CEP250: variants seen among roughly 807,000 people sequenced by gnomAD.
CEP250 encodes centrosome-associated protein CEP250.
Under a neutral mutation model 315.7 loss-of-function variants are expected in CEP250, and 242 were observed. That is an observed-to-expected ratio of 0.77 (90% CI 0.69 to 0.85). CEP250 has a LOEUF of 0.85. CEP250 is among the 40% of genes least tolerant of loss of function. The probability of loss-of-function intolerance (pLI) is 0.00; values close to 1 mark genes in which losing one functional copy is unlikely to be tolerated. For missense variants in CEP250, 2,515 were observed against 2,886.4 expected (o/e 0.87, Z 2.95); for synonymous variants, 1,088 against 1,175.0 (o/e 0.93, Z 1.51).
In CEP250 at chr20:35,511,759, A is replaced by G. The variant is rs1601332766; in HGVS notation, c.*133A>G. ...GAGCCCCAGGTCGGCGGGTGTTCCC[A>G]GGAAGAGGAAGTAAATCTGCAACCC... On this transcript the variant is annotated 3_prime_UTR_variant, in exon 35 of 35. Coordinates refer to ENST00000397527, the MANE Select transcript of CEP250 (RefSeq NM_007186.6). 2.1e-6 allele frequency: 3 copies of G among 1,429,104 alleles called. No individual in the cohort carries two copies. Among genetic ancestry groups the G allele is most frequent in the African/African-American group, 2.9e-5 (2 of 69,688 alleles). The allele number at this position is 1,429,104 out of a possible 1,614,324, so 88.5% of individuals were successfully genotyped here.
intron 10 of CEP250, among the ~76,000 whole-genome samples, chr20:35,471,079 TCAA>T (rs1446247373): frequency 6.6e-6 from 1 of 152,236 alleles, no homozygotes; most frequent in African/African-American, 2.4e-5. Flanking sequence ...CAAGCTGAGA[TCAA>T]CAGGAATTGT....
chr20:35,493,357 C>T, intron 22 of CEP250, 72 bp from the exon 23 acceptor site: 1 of 1,381,932 alleles, frequency 7.2e-7, no homozygotes. Flanking sequence ...CAGCTTTTGC[C>T]ACCCCACCAA....
At chr20:35,490,945 A>G in intron 21 of CEP250, 141 bp downstream of exon 21, 2 of 1,013,976 alleles carry the variant, frequency 2.0e-6, no homozygotes, top group South Asian at 1.6e-5. Flanking sequence ...AACAGTGAGC[A>G]GGGTGGTCCG....
chr20:35,511,360 C>A lies in CEP250; in HGVS notation c.7066-3C>A. The stretch of plus-strand genomic sequence containing the variant: ...GCTTTTTTTTTTTTTTCCTGCCCAC[C>A]AGGTGGTCCTGCTGCAAGCTCAGCT... On this transcript the variant is annotated splice_region_variant and splice_polypyrimidine_tract_variant and intron_variant, in intron 34 of 34. Transcript: ENST00000397527. The A allele has an allele frequency of 6.3e-7, 1 of 1,587,062 alleles. No homozygotes were observed. The highest frequency in any genetic ancestry group is 1.8e-5 in the Admixed American group (1 of 56,894).
chr20:35,479,735 A>G lies in CEP250; in HGVS notation c.2378A>G (p.Gln793Arg). ...IEVTKGQLEV[Q>R]IQTVTQAKEV... ...GTCACCAAGGGGCAGCTGGAGGTCCAGATTCAAACTGTCACTCAAGCCAAG... is the reference window on the plus strand; with the variant it reads ...GTCACCAAGGGGCAGCTGGAGGTCCGGATTCAAACTGTCACTCAAGCCAAG... Residue 793 changes from glutamine (Q) to arginine (R), a missense_variant, in exon 19 of 35, where the codon CAG becomes CGG. Physicochemically the swap from Gln to Arg is conservative, Grantham distance 43. Transcript: ENST00000397527. The G allele has an allele frequency of 1.2e-6, 2 of 1,614,238 alleles. No individual in the cohort carries two copies. The highest frequency in any genetic ancestry group is 1.7e-6 in the Non-Finnish European group (2 of 1,180,044).
Position 35,462,419 on chromosome 20 carries a change from C to T in CEP250, c.52C>T (p.Leu18=). Residue 18 remains leucine, a synonymous_variant, in exon 4 of 35, where the codon CTG becomes TTG. Coordinates refer to ENST00000397527, the MANE Select transcript of CEP250 (RefSeq NM_007186.6). ...CAACATGAAGCCCCAGTCACTGCAG[C>T]TGGTACTGGAAGAGCAGGTGCTGGC... ...LNNMKPQSLQ[L]VLEEQVLALQ... 6.2e-7 allele frequency: 1 copy of T among 1,601,222 alleles called. No homozygotes were observed.
chr20:35,473,158 C>A (rs1178178040), intron 12 of CEP250, among the ~76,000 whole-genome samples: 1 of 152,170 alleles, frequency 6.6e-6, no homozygotes, highest in Non-Finnish European at 1.5e-5. Flanking sequence ...CTCCCCCATG[C>A]CACTGTACAT....
At chr20:35,499,485 A>G (rs2147122290) in intron 27 of CEP250, among the ~76,000 whole-genome samples, 1 of 152,332 alleles carries the variant, frequency 6.6e-6, no homozygotes, top group South Asian at 2.1e-4. Context: ...CCTATCAGTC[A>G]ATACAAATTG....
chr20:35,473,595 C>G, intron 13 of CEP250, 43 bp downstream of exon 13: 1 of 1,536,524 alleles, frequency 6.5e-7, no homozygotes, highest in Non-Finnish European at 8.8e-7. Context: ...AGCCTGGTCT[C>G]AGTCTCAGTC....
chr20:35,510,871 T>C (rs1187766100), intron 34 of CEP250, among the ~76,000 whole-genome samples: 2 of 152,064 alleles, frequency 1.3e-5, no homozygotes, highest in African/African-American at 4.8e-5. Context: ...GGTGCACACC[T>C]GTAATCGTAG....
At chr20:35,469,363 A>G (rs2146746079) in intron 9 of CEP250, among the ~76,000 whole-genome samples, 1 of 152,312 alleles carries the variant, frequency 6.6e-6, no homozygotes, top group South Asian at 2.1e-4. Context: ...TTATTTAGCC[A>G]CTCACATAAT....
intron 7 of CEP250, among the ~76,000 whole-genome samples, chr20:35,466,691 T>C (rs891524096): frequency 6.6e-6 from 1 of 152,188 alleles, no homozygotes; most frequent in Non-Finnish European, 1.5e-5. Context: ...GAAAAGTCTG[T>C]GGTAATAGAT....
intron 11 of CEP250, among the ~76,000 whole-genome samples, 181 bp from the exon 12 acceptor site, chr20:35,472,492 G>A (rs143064918): frequency 6.6e-6 from 1 of 152,242 alleles, no homozygotes; most frequent in East Asian, 1.9e-4. Flanking sequence ...CCTAGACTTG[G>A]GTGACCAAAG....
In CEP250 at chr20:35,503,786, A is replaced by G; in HGVS notation, c.5417A>G (p.Asp1806Gly). The change falls in exon 30 of 35, where the codon GAT becomes GGT. Residue 1806 changes from aspartate (D) to glycine (G), a missense_variant. Transcript: ENST00000397527. This position sits in a 1 kb window ranked among gnomAD's most constrained non-coding sequence, Gnocchi z 4.2. ...GAGCAGTCACTTCAGAGTCAACTGG[A>G]TGAGGCCCAGAGAGCCCTAGCCCAG... ...LKEQSLQSQL[D>G]EAQRALAQRD... 5.0e-6 allele frequency: 8 copies of G among 1,613,948 alleles called. No homozygotes were observed. Among genetic ancestry groups the G allele is most frequent in the Non-Finnish European group, 6.8e-6 (8 of 1,180,002 alleles).
At chr20:35,502,356 G>A (rs375612079) in intron 29 of CEP250, 34 bp from the exon 30 acceptor site, 11 of 1,544,014 alleles carry the variant, frequency 7.1e-6, no homozygotes, top group African/African-American at 1.4e-5. Flanking sequence ...GCAGGGAAGT[G>A]TAGTCTAAAG....
intron 23 of CEP250, 104 bp from the exon 24 acceptor site, chr20:35,494,420 C>T (rs920007660): frequency 6.9e-7 from 1 of 1,453,088 alleles, no homozygotes; most frequent in Non-Finnish European, 9.4e-7. Flanking sequence ...GAAATGGCCA[C>T]TGACTATGGT....
chr20:35,471,847 CT>C (rs2063030744), intron 10 of CEP250, among the ~76,000 whole-genome samples: 1 of 152,202 alleles, frequency 6.6e-6, no homozygotes, highest in African/African-American at 2.4e-5. Flanking sequence ...CAATTTGGAA[CT>C]CGTAATCACT....
chr20:35,478,875 C>T (rs2146869021), intron 17 of CEP250, among the ~76,000 whole-genome samples: 2 of 152,282 alleles, frequency 1.3e-5, no homozygotes, highest in South Asian at 4.1e-4. Context: ...TCTACAAAAC[C>T]TCTCATTGTC....
intron 11 of CEP250, among the ~76,000 whole-genome samples, chr20:35,472,399 C>G (rs1415278491): frequency 6.6e-6 from 1 of 152,206 alleles, no homozygotes; most frequent in Non-Finnish European, 1.5e-5. Context: ...AGGCTAGATT[C>G]TGGTATTCAA....
Sources: gnomAD v4.1 joint callset for allele counts (sites outside exome capture counted in the v4.1 genomes callset) on GRCh38, gnomAD v4.1.1 for gene constraint, Gnocchi (gnomAD v3.1) non-coding constraint, MANE v1.5 for transcripts, NCBI Gene and HGNC (gene_info 2026-07-23, HGNC 2026-07-21) for gene names.